NCOR2: variants seen among roughly 807,000 people sequenced by gnomAD.
The protein encoded by NCOR2 is CTG repeat protein 26.
NCOR2 carries 81 observed loss-of-function variants against 262.9 expected under a neutral mutation model. The ratio of observed to expected loss-of-function variants is 0.31; its 90% confidence interval spans 0.26 to 0.37. NCOR2 has a LOEUF of 0.37. Among genes scored for constraint, NCOR2 ranks in the 10% least tolerant of loss-of-function variants. The pLI is 1.00. For missense variants in NCOR2, 3,385 were observed against 3,621.4 expected (o/e 0.93, Z 1.68); for synonymous variants, 1,659 against 1,559.3 (o/e 1.06, Z -1.51).
chr12:124,376,431 C>T (rs1209460730), intron 18 of NCOR2, among the ~76,000 whole-genome samples: 1 of 152,260 alleles, frequency 6.6e-6, no homozygotes, highest in African/African-American at 2.4e-5. Flanking sequence ...GGGATATTTA[C>T]AGAGGGGACT....
intron 8 of NCOR2, among the ~76,000 whole-genome samples, chr12:124,436,039 C>T (rs923618479): frequency 6.6e-6 from 1 of 152,280 alleles, no homozygotes; most frequent in Non-Finnish European, 1.5e-5. Context: ...TCCTCCTCGT[C>T]CTTACGCACG....
exon 17 of NCOR2, chr12:124,385,876 G>A: frequency 6.2e-7 from 1 of 1,613,422 alleles, no homozygotes; most frequent in African/African-American, 1.3e-5. Flanking sequence ...TTGCGGCCGT[G>A]TTCCAGGAGA....
chr12:124,518,216 AAAAG>A (rs2049944961), intron 1 of NCOR2: 1 of 152,714 alleles, frequency 6.5e-6, no homozygotes, highest in African/African-American at 2.4e-5. Context: ...AAAAAAAAGA[AAAAG>A]AAAAAAAGTG....
chr12:124,411,219 G>A (rs1252996404), intron 13 of NCOR2, among the ~76,000 whole-genome samples: 5 of 151,172 alleles, frequency 3.3e-5, no homozygotes, highest in Non-Finnish European at 7.4e-5. Flanking sequence ...GAAAGAGGGA[G>A]GAAGACATGG....
intron 15 of NCOR2, 49 bp from the exon 18 acceptor site, chr12:124,398,230 T>A: frequency 6.3e-7 from 1 of 1,598,086 alleles, no homozygotes; most frequent in Non-Finnish European, 8.6e-7. Context: ...GAGGAGGCAC[T>A]TTGCCTTCTG....
intron 16 of NCOR2, among the ~76,000 whole-genome samples, chr12:124,388,348 G>A (rs932352783): frequency 1.3e-5 from 2 of 152,146 alleles, no homozygotes; most frequent in Non-Finnish European, 2.9e-5. Flanking sequence ...TGCCAGGCAC[G>A]GAGAGAAAGA....
At chr12:124,350,659 C>A (rs202002288) in exon 28 of NCOR2, 1 of 1,613,868 alleles carries the variant, frequency 6.2e-7, no homozygotes. Context: ...TCCTCCCGGC[C>A]GCGGTCCAAG....
At chr12:124,478,286 T>A in intron 3 of NCOR2, among the ~76,000 whole-genome samples, 1 of 152,190 alleles carries the variant, frequency 6.6e-6, no homozygotes, top group East Asian at 1.9e-4. Context: ...TGGACTTCAG[T>A]TATGTGAGCC....
At position 124,517,159 on chromosome 12, in the gene NCOR2, G is replaced by A. The variant is rs1427136435; in HGVS notation, c.-118+18406C>T. ...GGAAACTGAGGTCTGCAAAGGGGAG[G>A]CAACACGCCCAAGGTCACACAGCAT... On this transcript the variant is annotated intron_variant, in intron 1 of 46. Coordinates refer to the NCOR2 transcript ENST00000404621. This position sits in a 1 kb window ranked among gnomAD's most constrained non-coding sequence, Gnocchi z 7.6. Among the ~76,000 whole-genome samples the A allele has an allele frequency of 6.6e-6, 1 of 152,104 alleles. No homozygotes were observed. Among genetic ancestry groups the A allele is most frequent in the South Asian group, 2.1e-4 (1 of 4,816 alleles).
rs1306655949 is a variant in NCOR2 at position 124,549,866 on chromosome 12, C to A, written c.-164-14255G>T. On this transcript the variant is annotated intron_variant, in intron 1 of 32. Transcript: ENST00000458234. The surrounding 1 kb of genome is among the most constrained non-coding windows in gnomAD (Gnocchi z 4.4). ...AGGGGTGGATGGGCAGAGTGTCACG[C>A]CTGCCTAGGGGAAGTACACGCTAGG... Among the ~76,000 whole-genome samples, 1 of 152,096 alleles carries A rather than the reference C, an allele frequency of 6.6e-6. No individual in the cohort carries two copies. Among genetic ancestry groups the A allele is most frequent in the Non-Finnish European group, 1.5e-5 (1 of 68,002 alleles).
intron 22 of NCOR2, among the ~76,000 whole-genome samples, chr12:124,359,501 G>C (rs572534270): frequency 3.3e-5 from 5 of 152,246 alleles, no homozygotes; most frequent in Non-Finnish European, 7.3e-5. Context: ...GCCCACAGGA[G>C]GCAGGGGGCA....
intron 2 of NCOR2, 123 bp downstream of exon 4, chr12:124,486,318 A>G (rs1446836910): frequency 6.9e-7 from 1 of 1,451,962 alleles, no homozygotes; most frequent in Non-Finnish European, 9.2e-7. Context: ...GGGTGAACAC[A>G]CGGCCCGACA....
At position 124,469,810 on chromosome 12, in the gene NCOR2, G is replaced by C. The variant is rs77565139; in HGVS notation, c.591+3142C>G. 4.3e-3 allele frequency among the ~76,000 whole-genome samples: 660 copies of C among 152,294 alleles called. 20 individuals carry two copies. In the East Asian group the frequency reaches 0.076, roughly 18 times the overall value. Reference sequence around the variant, plus strand: ...CTAATGCAAATCAAAACCACAATGAGATACCGCTGTACAACCACTAGGATG... The same window carrying C: ...CTAATGCAAATCAAAACCACAATGACATACCGCTGTACAACCACTAGGATG... On this transcript the variant is annotated intron_variant, in intron 4 of 46. Coordinates refer to ENST00000405201, the Ensembl canonical transcript of NCOR2.
chr12:124,435,290 AGCCCTGTGTG>A lies in NCOR2; in HGVS notation c.882+2630_882+2639del, dbSNP rs572755424. Among the ~76,000 whole-genome samples, 19 of 152,370 alleles carry A rather than the reference AGCCCTGTGTG, an allele frequency of 1.2e-4. 1 individual carries two copies. The highest frequency in any genetic ancestry group is 1.1e-3 in the Admixed American group (17 of 15,306). Reference sequence around the variant, plus strand: ...GGCCTGTGACTCCCGGGCACCCAGCAGCCCTGTGTGGGTATCTCTTAACTTGATAAACAGA... The same window carrying A: ...GGCCTGTGACTCCCGGGCACCCAGCAGGTATCTCTTAACTTGATAAACAGA... On this transcript the variant is annotated intron_variant, in intron 8 of 46. Coordinates refer to ENST00000405201, the Ensembl canonical transcript of NCOR2.
intron 28 of NCOR2, 136 bp downstream of exon 30, chr12:124,350,451 G>T: frequency 8.7e-7 from 1 of 1,143,332 alleles, no homozygotes; most frequent in Non-Finnish European, 1.2e-6. Context: ...TTGCATACCT[G>T]CAGGGATAAG....
In NCOR2 at chr12:124,426,874, GAC is replaced by G. The variant is rs1370773492; in HGVS notation, c.1150-76_1150-75del. 11 of 1,399,848 alleles carry G rather than the reference GAC, an allele frequency of 7.9e-6. No individual in the cohort carries two copies. In the Admixed American group the frequency reaches 1.3e-4, roughly 17 times the overall value. 86.7% of individuals were successfully genotyped at this position (1,399,848 alleles called of 1,614,324 possible). On this transcript the variant is annotated intron_variant, in intron 10 of 46. Transcript: ENST00000405201. ...CGGCCGGCGCAGGGGACCCAGGGAA[GAC>G]ACAGAGGGGACGGATGGTCTGCGCC...
intron 1 of NCOR2, among the ~76,000 whole-genome samples, chr12:124,563,349 G>C (rs969400882): frequency 1.3e-5 from 2 of 152,242 alleles, no homozygotes; most frequent in Non-Finnish European, 2.9e-5. Context: ...GGGCAGTGTG[G>C]AAGTGTCCAG....
intron 1 of NCOR2, among the ~76,000 whole-genome samples, chr12:124,543,678 C>A (rs955278015): frequency 1.3e-5 from 2 of 152,218 alleles, no homozygotes; most frequent in African/African-American, 2.4e-5. Context: ...GCCGGGGTAT[C>A]GACCGCTTTT....
intron 20 of NCOR2, among the ~76,000 whole-genome samples, chr12:124,371,210 C>T (rs2039481996): frequency 7.4e-6 from 1 of 134,926 alleles, no homozygotes; most frequent in Non-Finnish European, 1.6e-5. Flanking sequence ...CCCGTGAGAG[C>T]TGCCCCCCGT....
Sources: allele counts gnomAD v4.1 joint callset (sites outside exome capture counted in the v4.1 genomes callset), GRCh38; gene constraint gnomAD v4.1.1; non-coding constraint Gnocchi (gnomAD v3.1); transcripts MANE v1.5; gene names NCBI Gene and HGNC (gene_info 2026-07-23, HGNC 2026-07-21).